The following ABCC4 variants were observed in gnomAD, a reference collection of about 807,000 sequenced individuals.
The protein encoded by ABCC4 is ATP binding cassette subfamily C member 4 (PEL blood group).
Under a neutral mutation model 168.5 loss-of-function variants are expected in ABCC4, and 102 were observed. The observed-to-expected ratio is 0.61, with a 90% CI of 0.52 to 0.71. The LOEUF is 0.71. Ranked by LOEUF, ABCC4 falls within the 30% of genes least tolerant of loss-of-function variation. The pLI, the probability that ABCC4 is intolerant of heterozygous loss-of-function variation, is 0.00. For synonymous variants in ABCC4, 617 were observed against 590.7 expected (o/e 1.04, Z -0.65); for missense variants, 1,402 against 1,605.8 (o/e 0.87, Z 2.17).
chr13:95,049,798 A>C (rs2032752544), intron 27 of ABCC4, among the ~76,000 whole-genome samples: 1 of 152,206 alleles, frequency 6.6e-6, no homozygotes, highest in Non-Finnish European at 1.5e-5. Context: ...AATAAAAAAA[A>C]CTTCCAAGAA....
intron 19 of ABCC4, among the ~76,000 whole-genome samples, chr13:95,118,347 G>C (rs774461170): frequency 1.3e-5 from 2 of 151,746 alleles, no homozygotes; most frequent in Non-Finnish European, 2.9e-5. Flanking sequence ...GGGTTCAAGT[G>C]ATTCTCCTGC....
chr13:95,058,737 G>A (rs909592146), intron 26 of ABCC4, among the ~76,000 whole-genome samples: 3 of 152,128 alleles, frequency 2.0e-5, no homozygotes, highest in East Asian at 1.9e-4. Flanking sequence ...TCATCTCCAG[G>A]TAAGTTATTA....
Position 95,034,664 on chromosome 13 carries a change from T to A in ABCC4, c.3811A>T (p.Lys1271Ter). ...LLQNKESLFY[K>*]MVQQLGKAEA... ...GCCTTGCCCAGTTGTTGCACCATCT[T>A]GTAAAATAGGCTCTCTTTATTTTGC... Residue 1271 changes from lysine to a stop codon, truncating the protein, a stop_gained, in exon 30 of 31, where the codon AAG (lysine) becomes TAG (stop). Transcript: ENST00000645237. LOFTEE classifies it high-confidence loss of function. 6.2e-7 allele frequency: 1 copy of A among 1,614,268 alleles called. No individual in the cohort carries two copies. The highest frequency in any genetic ancestry group is 8.5e-7 in the Non-Finnish European group (1 of 1,180,046).
intron 3 of ABCC4, among the ~76,000 whole-genome samples, chr13:95,243,482 G>A (rs770916213): frequency 6.6e-6 from 1 of 152,210 alleles, no homozygotes; most frequent in African/African-American, 2.4e-5. Flanking sequence ...CCGAGGAGGA[G>A]ACAACTGGGA....
Position 95,293,784 on chromosome 13 carries a change from C to CTT in ABCC4, c.74+7455_74+7456dup, listed in dbSNP as rs35106299. On this transcript the variant is annotated intron_variant, in intron 1 of 30. Transcript: ENST00000645237. Reference sequence around the variant, plus strand: ...CCAGCCTGGACTACGTTTTCTTTTGCTTTTTTTTTTTTTTGAGACAGAGTC... The same window carrying CTT: ...CCAGCCTGGACTACGTTTTCTTTTGCTTTTTTTTTTTTTTTTGAGACAGAGTC... Among the ~76,000 whole-genome samples, 1,074 of 138,590 alleles carry CTT rather than the reference C, an allele frequency of 7.7e-3. 14 individuals carry two copies. Among genetic ancestry groups the CTT allele is most frequent in the South Asian group, 0.017 (73 of 4,278 alleles). The allele number at this position is 138,590 out of a possible 152,430, so 90.9% of individuals were successfully genotyped here. A position where few individuals can be genotyped will look rare whatever the true frequency, so the allele number is the denominator to read the frequency against.
At chr13:95,180,643 C>A (rs1222437107) in intron 11 of ABCC4, among the ~76,000 whole-genome samples, 1 of 151,974 alleles carries the variant, frequency 6.6e-6, no homozygotes, top group Admixed American at 6.5e-5. Flanking sequence ...AGGGTCCCAG[C>A]CTTCCACACA....
rs1283937647 is a variant in ABCC4, at chr13:95,196,650, A to G, written c.1162-1713T>C. 1.0e-3 allele frequency among the ~76,000 whole-genome samples: 46 copies of G among 44,232 alleles called. 2 individuals carry two copies. The highest frequency in any genetic ancestry group is 9.6e-3 in the Middle Eastern group (1 of 104). The allele number at this position is 44,232 out of a possible 152,430, so 29.0% of individuals were successfully genotyped here. A position where few individuals can be genotyped will look rare whatever the true frequency, so the allele number is the denominator to read the frequency against. On this transcript the variant is annotated intron_variant, in intron 8 of 30. Coordinates refer to ENST00000645237, the MANE Select transcript of ABCC4 (RefSeq NM_005845.5). ...GAAGGAAGGAAGGAAGGAAGGAAGG[A>G]AGGAAGGAAGGAAGGAAGGAAGGAA...
chr13:95,034,623 G>T lies in ABCC4; in HGVS notation c.3852C>A (p.Leu1284=). 1 of 1,613,568 alleles carries T rather than the reference G, an allele frequency of 6.2e-7. No individual in the cohort carries two copies. Among genetic ancestry groups the T allele is most frequent in the South Asian group, 1.1e-5 (1 of 91,054 alleles). Residue 1284 remains leucine, a synonymous_variant, in exon 30 of 31, where the codon CTC becomes CTA. Coordinates refer to ENST00000645237, the MANE Select transcript of ABCC4 (RefSeq NM_005845.5). ...QQLGKAEAAA[L]TETAKQVYFK... is the part of the protein sequence containing the mutation. ...CGCTCACCTGTTTTGCTGTTTCAGT[G>T]AGGGCAGCGGCTTCTGCCTTGCCCA...
At chr13:95,104,967 T>C (rs1279186513) in intron 20 of ABCC4, among the ~76,000 whole-genome samples, 5 of 152,196 alleles carry the variant, frequency 3.3e-5, no homozygotes, top group African/African-American at 1.2e-4. Flanking sequence ...TTCAGGATGA[T>C]TCAAGCCCAT....
chr13:95,227,100 C>A (rs2039487186), intron 4 of ABCC4, among the ~76,000 whole-genome samples: 1 of 152,218 alleles, frequency 6.6e-6, no homozygotes, highest in Admixed American at 6.5e-5. Context: ...AAAGCATTTT[C>A]TTCCAGTTTG....
At chr13:95,031,623 TAGATGGA>T (rs1373666865) in intron 30 of ABCC4, among the ~76,000 whole-genome samples, 1 of 152,222 alleles carries the variant, frequency 6.6e-6, no homozygotes, top group Non-Finnish European at 1.5e-5. Context: ...ATTGTTGAAT[TAGATGGA>T]AGATTACTGG....
chr13:95,231,689 A>G (rs1411767737), intron 4 of ABCC4, among the ~76,000 whole-genome samples: 1 of 152,228 alleles, frequency 6.6e-6, no homozygotes, highest in East Asian at 1.9e-4. Context: ...TTTCAGGTTA[A>G]GTCTTATGGT....
At chr13:95,180,780 C>T (rs2139603328) in intron 11 of ABCC4, among the ~76,000 whole-genome samples, 1 of 152,272 alleles carries the variant, frequency 6.6e-6, no homozygotes, top group Non-Finnish European at 1.5e-5. Flanking sequence ...CAAGTTGTAG[C>T]AGAGCAATCT....
chr13:95,150,284 C>T (rs956846469), intron 19 of ABCC4, among the ~76,000 whole-genome samples: 1 of 152,164 alleles, frequency 6.6e-6, no homozygotes, highest in East Asian at 1.9e-4. Context: ...GTATTTGGAA[C>T]ACTGTCTGCC....
At chr13:95,036,213 A>C (rs186746795) in intron 29 of ABCC4, among the ~76,000 whole-genome samples, 1 of 152,368 alleles carries the variant, frequency 6.6e-6, no homozygotes, top group African/African-American at 2.4e-5. Flanking sequence ...AGACTAAGTA[A>C]ATAAGTGAAC....
Position 95,044,301 on chromosome 13 carries a change from C to A in ABCC4, c.3594G>T (p.Leu1198Phe). The change falls in exon 28 of 31, where the codon TTG (leucine) becomes TTT (phenylalanine). Residue 1198 changes from leucine (L) to phenylalanine (F), a missense_variant. Transcript: ENST00000645237. ...ARAILRKNQI[L>F]IIDEATANVD... is the part of the protein sequence containing the mutation. The stretch of plus-strand genomic sequence containing the variant: ...CATTTGCCGTCGCTTCATCAATAAT[C>A]AATATCTGATTTTTCCTGAGAATTG... 6.2e-7 allele frequency: 1 copy of A among 1,613,336 alleles called. No individual in the cohort carries two copies. The highest frequency in any genetic ancestry group is 8.5e-7 in the Non-Finnish European group (1 of 1,179,704).
chr13:95,241,798 G>A (rs1274194308), intron 3 of ABCC4, among the ~76,000 whole-genome samples: 2 of 152,140 alleles, frequency 1.3e-5, no homozygotes, highest in African/African-American at 4.8e-5. Flanking sequence ...GCAAACTGGT[G>A]TCACCATCTC....
Position 95,096,781 on chromosome 13 carries a change from T to C in ABCC4, c.2536-13491A>G, listed in dbSNP as rs2034614088. Among the ~76,000 whole-genome samples, 3 of 152,196 alleles carry C rather than the reference T, an allele frequency of 2.0e-5. No homozygotes were observed. The South Asian group carries it at 6.2e-4, about 32-fold the overall frequency. On this transcript the variant is annotated intron_variant, in intron 20 of 30. Coordinates refer to ENST00000645237, the MANE Select transcript of ABCC4 (RefSeq NM_005845.5). ...TGGGCAAAAGCTAGGAGAAGGTCTCTAGCAGACCAGCCTGAAAGGAAGTTC... is the reference window on the plus strand; with the variant it reads ...TGGGCAAAAGCTAGGAGAAGGTCTCCAGCAGACCAGCCTGAAAGGAAGTTC...
chr13:95,270,366 AG>A (rs58555757), intron 1 of ABCC4, among the ~76,000 whole-genome samples: 2 of 124,418 alleles, frequency 1.6e-5, no homozygotes, highest in Admixed American at 7.6e-5. Context: ...AAGAAAGAAA[AG>A]AAAAATAGGA....
Sources: gnomAD v4.1 joint callset for allele counts (sites outside exome capture counted in the v4.1 genomes callset) on GRCh38, gnomAD v4.1.1 for gene constraint, MANE v1.5 for transcripts, NCBI Gene and HGNC (gene_info 2026-07-23, HGNC 2026-07-21) for gene names.